Variants in VARS1 observed in about 807,000 individuals in gnomAD.
VARS1 encodes the protein valyl-tRNA synthetase 1, also known as valine--tRNA ligase.
A neutral mutation model predicts 161.0 loss-of-function variants in VARS1; 92 were observed. The observed-to-expected ratio is 0.57, with a 90% CI of 0.48 to 0.68. The LOEUF (loss-of-function observed/expected upper bound fraction) is 0.68. Ranked by LOEUF, VARS1 falls within the 30% of genes least tolerant of loss-of-function variation. The pLI, the probability that VARS1 is intolerant of heterozygous loss-of-function variation, is 0.00. For missense variants in VARS1, 1,338 were observed against 1,695.9 expected (o/e 0.79, Z 3.71); for synonymous variants, 595 against 682.5 (o/e 0.87, Z 2.00).
At position 31,785,145 on chromosome 6, in the gene VARS1, G is replaced by A; in HGVS notation, c.1347+101C>T. The A allele has an allele frequency of 7.1e-7, 1 of 1,405,804 alleles. No homozygotes were observed. 87.1% of individuals were successfully genotyped at this position (1,405,804 alleles called of 1,614,324 possible). A position where few individuals can be genotyped will look rare whatever the true frequency, so the allele number is the denominator to read the frequency against. On this transcript the variant is annotated intron_variant, in intron 10 of 29. Transcript: ENST00000375663. The surrounding 1 kb of genome is among the most constrained non-coding windows in gnomAD (Gnocchi z 6.1). Reference sequence around the variant, plus strand: ...CCTCCATGGTGTTTTACATGGGCCAGCTCCTGAGAGAGGGCCACAACACCT... The same window carrying A: ...CCTCCATGGTGTTTTACATGGGCCAACTCCTGAGAGAGGGCCACAACACCT...
chr6:31,781,861 A>G lies in VARS1; in HGVS notation c.2333T>C (p.Ile778Thr). 1 of 1,612,920 alleles carries G rather than the reference A, an allele frequency of 6.2e-7. No homozygotes were observed. Among genetic ancestry groups the G allele is most frequent in the Non-Finnish European group, 8.5e-7 (1 of 1,179,994 alleles). The change falls in exon 19 of 30, where the codon ATC (isoleucine) becomes ACC (threonine). Residue 778 changes from isoleucine to threonine, a missense_variant. Physicochemically the swap from Ile to Thr is moderately conservative, Grantham distance 89. Around this residue, in one of 3 missense-constraint regions of VARS1, gnomAD observed 902 missense variants for 1,090.3 expected, o/e 0.83. Transcript: ENST00000375663. The surrounding 1 kb of genome is among the most constrained non-coding windows in gnomAD (Gnocchi z 6.8). ...CCCCGCCTTGCCTTGCTGGAGACTGATCTTGTCAGGGGACACTCCGAACTC... is the reference window on the plus strand; with the variant it reads ...CCCCGCCTTGCCTTGCTGGAGACTGGTCTTGTCAGGGGACACTCCGAACTC... ...AKEFGVSPDK[I>T]SLQQDEDVLD...
rs1360830860 is a variant in VARS1 at position 31,791,152 on chromosome 6, C to A, written c.1100+458G>T. ...GGCAACAGAACAAGACTCTGTCCCC[C>A]CAAAAAAAAATATATATATTCATAT... On this transcript the variant is annotated intron_variant, in intron 8 of 29. Transcript: ENST00000375663. The surrounding 1 kb of genome is among the most constrained non-coding windows in gnomAD (Gnocchi z 5.0). 6.6e-6 allele frequency among the ~76,000 whole-genome samples: 1 copy of A among 151,056 alleles called. No homozygotes were observed. Among genetic ancestry groups the A allele is most frequent in the African/African-American group, 2.4e-5 (1 of 41,148 alleles).
Position 31,794,711 on chromosome 6 carries a change from G to C in VARS1, c.387+120C>G, listed in dbSNP as rs2151437172. On this transcript the variant is annotated intron_variant, in intron 2 of 29. Transcript: ENST00000375663. ...GGGTTACCATACCAGTTGGCAATCT[G>C]GGATTTGATCACTCTTTTCCCACAT... 4 of 1,364,630 alleles carry C rather than the reference G, an allele frequency of 2.9e-6. No homozygotes were observed. In the East Asian group the frequency reaches 9.7e-5, roughly 33 times the overall value. 84.5% of individuals were successfully genotyped at this position (1,364,630 alleles called of 1,614,324 possible). A position where few individuals can be genotyped will look rare whatever the true frequency, so the allele number is the denominator to read the frequency against.
Position 31,791,915 on chromosome 6 carries a change from A to C in VARS1, c.928T>G (p.Tyr310Asp). The C allele has an allele frequency of 6.2e-7, 1 of 1,606,748 alleles. No individual in the cohort carries two copies. The highest frequency in any genetic ancestry group is 2.2e-5 in the East Asian group (1 of 44,814). The change falls in exon 7 of 30, where the codon TAC becomes GAC. Residue 310 changes from tyrosine (Y) to aspartate (D), a missense_variant. Around this residue, in one of 3 missense-constraint regions of VARS1, gnomAD observed 902 missense variants for 1,090.3 expected, o/e 0.83. Transcript: ENST00000375663. The surrounding 1 kb of genome is among the most constrained non-coding windows in gnomAD (Gnocchi z 5.0). ...YSPRYVEAAWYPWWEQQGFFK... is the reference protein window; with the variant it reads ...YSPRYVEAAWDPWWEQQGFFK... ...AAGCCCTGCTGCTCCCACCAAGGGT[A>C]CCAGGCAGCCTCCACATACCGAGGG...
chr6:31,777,907 C>T lies in VARS1; in HGVS notation c.3727-245G>A. The T allele has an allele frequency of 1.7e-6, 1 of 591,236 alleles. No homozygotes were observed. The highest frequency in any genetic ancestry group is 3.0e-6 in the Non-Finnish European group (1 of 332,008). The allele number at this position is 591,236 out of a possible 1,614,324, so 36.6% of individuals were successfully genotyped here. On this transcript the variant is annotated intron_variant, in intron 29 of 29. Transcript: ENST00000375663. The surrounding 1 kb of genome is among the most constrained non-coding windows in gnomAD (Gnocchi z 5.8). ...CCCCAAGAACAAAGGAACCTCAGAG[C>T]CTACGTGTTCCCCATTCAGTGTCCC...
Position 31,782,370 on chromosome 6 carries a change from C to T in VARS1, c.2065G>A (p.Ala689Thr), listed in dbSNP as rs747572582. ...YVRCGEMAQA[A>T]SAAVTRGDLR... is the part of the protein sequence containing the mutation. Reference sequence around the variant, plus strand: ...TCACCCCGAGTCACAGCGGCGCTGGCAGCCTGGGCCATCTCCCCGCAGCGA... The same window carrying T: ...TCACCCCGAGTCACAGCGGCGCTGGTAGCCTGGGCCATCTCCCCGCAGCGA... The change falls in exon 17 of 30, where the codon GCC (alanine) becomes ACC (threonine). Residue 689 changes from alanine (A) to threonine (T), a missense_variant. Ala to Thr is a moderately conservative substitution (Grantham distance 58). Coordinates refer to ENST00000375663, the MANE Select transcript of VARS1 (RefSeq NM_006295.3). This position sits in a 1 kb window ranked among gnomAD's most constrained non-coding sequence, Gnocchi z 8.3. 1.2e-6 allele frequency: 2 copies of T among 1,612,624 alleles called. No homozygotes were observed. Among genetic ancestry groups the T allele is most frequent in the South Asian group, 2.2e-5 (2 of 91,020 alleles).
Position 31,779,860 on chromosome 6 carries a change from G to A in VARS1, c.3082-46C>T. 1.2e-6 allele frequency: 2 copies of A among 1,607,868 alleles called. No individual in the cohort carries two copies. The highest frequency in any genetic ancestry group is 1.7e-6 in the Non-Finnish European group (2 of 1,176,616). ...GGCTCACGGCTGGAGGTCTAGCCTT[G>A]AGCCCTCGCTGTGCCTGTGAGGACT... On this transcript the variant is annotated intron_variant, in intron 26 of 29. Transcript: ENST00000375663. This position sits in a 1 kb window ranked among gnomAD's most constrained non-coding sequence, Gnocchi z 9.1.
chr6:31,782,361 C>T lies in VARS1; in HGVS notation c.2074G>A (p.Ala692Thr), dbSNP rs747824231. The T allele has an allele frequency of 3.7e-6, 6 of 1,612,526 alleles. No homozygotes were observed. Among genetic ancestry groups the T allele is most frequent in the East Asian group, 2.2e-5 (1 of 44,878 alleles). ...CGEMAQAASA[A>T]VTRGDLRILP... is the part of the protein sequence containing the mutation. ...ATGCGGAGGTCACCCCGAGTCACAG[C>T]GGCGCTGGCAGCCTGGGCCATCTCC... The change falls in exon 17 of 30, where the codon GCT (alanine) becomes ACT (threonine). Residue 692 changes from alanine (A) to threonine (T), a missense_variant. By Grantham distance (58) the Ala-to-Thr change is moderately conservative (BLOSUM62 0). Coordinates refer to ENST00000375663, the MANE Select transcript of VARS1 (RefSeq NM_006295.3). This position sits in a 1 kb window ranked among gnomAD's most constrained non-coding sequence, Gnocchi z 8.3.
chr6:31,780,833 G>T lies in VARS1; in HGVS notation c.2718+37C>A, dbSNP rs372278973. Reference sequence around the variant, plus strand: ...AGCGTCCTCAGCCAGCCCCATCCACGCTGTGCTCCTGCTTAGCCCAGCCCA... The same window carrying T: ...AGCGTCCTCAGCCAGCCCCATCCACTCTGTGCTCCTGCTTAGCCCAGCCCA... On this transcript the variant is annotated intron_variant, in intron 23 of 29. Transcript: ENST00000375663. The surrounding 1 kb of genome is among the most constrained non-coding windows in gnomAD (Gnocchi z 5.1). 9.0e-5 allele frequency: 146 copies of T among 1,614,076 alleles called. No individual in the cohort carries two copies. Among genetic ancestry groups the T allele is most frequent in the Middle Eastern group, 8.2e-4 (5 of 6,084 alleles).
At position 31,793,961 on chromosome 6, in the gene VARS1, G is replaced by A. The variant is rs536622880; in HGVS notation, c.388-841C>T. Among the ~76,000 whole-genome samples the A allele has an allele frequency of 1.3e-4, 19 of 151,556 alleles. No individual in the cohort carries two copies. The South Asian group carries it at 2.3e-3, about 18-fold the overall frequency. On this transcript the variant is annotated intron_variant, in intron 2 of 29. Transcript: ENST00000375663. ...CTACTAAAAATACAAAAAATTAGCC[G>A]GACAAGGTGGTGGGCGCCTGTAATC...
chr6:31,792,125 C>A, intron 6 of VARS1, 92 bp downstream of exon 6: 1 of 1,535,074 alleles, frequency 6.5e-7, no homozygotes, highest in Non-Finnish European at 8.9e-7. Context: ...CAATTCCTCA[C>A]CAAACAAAGT....
chr6:31,790,858 T>A (rs1813824799), intron 8 of VARS1, among the ~76,000 whole-genome samples: 1 of 152,128 alleles, frequency 6.6e-6, no homozygotes, highest in Non-Finnish European at 1.5e-5. Context: ...TGGGTACGTG[T>A]ATATGTAAGT....
rs756292768 is a variant in VARS1 at position 31,792,754 on chromosome 6, C to T, written c.661+3G>A. The T allele has an allele frequency of 1.2e-5, 19 of 1,614,048 alleles. No individual in the cohort carries two copies. The Admixed American group carries it at 2.7e-4, about 23-fold the overall frequency. On this transcript the variant is annotated splice_donor_region_variant and intron_variant, in intron 4 of 29. Transcript: ENST00000375663. ...TATCCTCCAACTCCTCGCCCTTCCT[C>T]ACCTGGCTGATGAGAGAGAGGCCTG...
rs1280253893 is a variant in VARS1 at position 31,784,488 on chromosome 6, C to T, written c.1482G>A (p.Glu494=). Reference sequence around the variant, plus strand: ...CGGAGAGCAGGGTGCGACCTGTCAGCTCCTTCTTATCCACCTGTAAAATGG... The same window carrying T: ...CGGAGAGCAGGGTGCGACCTGTCAGTTCCTTCTTATCCACCTGTAAAATGG... The part of the protein sequence containing the change: ...AISDIEVDKK[E]LTGRTLLSVP... Residue 494 remains glutamate, a synonymous_variant, in exon 12 of 30, where the codon GAG becomes GAA. Transcript: ENST00000375663. The surrounding 1 kb of genome is among the most constrained non-coding windows in gnomAD (Gnocchi z 6.1). The T allele has an allele frequency of 6.2e-7, 1 of 1,614,096 alleles. No homozygotes were observed. Among genetic ancestry groups the T allele is most frequent in the African/African-American group, 1.3e-5 (1 of 75,048 alleles).
intron 4 of VARS1, 41 bp downstream of exon 4, chr6:31,792,716 C>G (rs539538719): frequency 2.5e-6 from 4 of 1,610,782 alleles, no homozygotes; most frequent in Non-Finnish European, 3.4e-6. Flanking sequence ...ATGGAAGGCC[C>G]CAGGGAAGCC....
chr6:31,781,866 G>A lies in VARS1; in HGVS notation c.2328C>T (p.Asp776=). ...CCTTGCCTTGCTGGAGACTGATCTT[G>A]TCAGGGGACACTCCGAACTCCTTGG... The part of the protein sequence containing the change: ...KAAKEFGVSP[D]KISLQQDEDV... The change falls in exon 19 of 30, where the codon GAC becomes GAT. Residue 776 remains aspartate, a synonymous_variant. Coordinates refer to ENST00000375663, the MANE Select transcript of VARS1 (RefSeq NM_006295.3). The surrounding 1 kb of genome is among the most constrained non-coding windows in gnomAD (Gnocchi z 6.8). 4 of 1,613,010 alleles carry A rather than the reference G, an allele frequency of 2.5e-6. No homozygotes were observed. Among genetic ancestry groups the A allele is most frequent in the Non-Finnish European group, 3.4e-6 (4 of 1,180,030 alleles).
At chr6:31,794,789 T>C (rs1562317094) in intron 2 of VARS1, 42 bp downstream of exon 2, 2 of 1,510,244 alleles carry the variant, frequency 1.3e-6, no homozygotes, top group African/African-American at 1.4e-5. Context: ...GCTTCCCTCC[T>C]CTGAATTTCT....
Position 31,780,376 on chromosome 6 carries a change from G to T in VARS1, c.2925+65C>A. 6.4e-7 allele frequency: 1 copy of T among 1,570,458 alleles called. No homozygotes were observed. Among genetic ancestry groups the T allele is most frequent in the East Asian group, 2.2e-5 (1 of 44,462 alleles). On this transcript the variant is annotated intron_variant, in intron 25 of 29. Coordinates refer to ENST00000375663, the MANE Select transcript of VARS1 (RefSeq NM_006295.3). The surrounding 1 kb of genome is among the most constrained non-coding windows in gnomAD (Gnocchi z 5.1). ...TATCTGTCCCCCCAGCTACATGGAG[G>T]CTGCTCCGGACAGGGGTACAGCCTG...
chr6:31,793,857 C>T (rs532984218), intron 2 of VARS1, among the ~76,000 whole-genome samples: 2 of 152,010 alleles, frequency 1.3e-5, no homozygotes, highest in Non-Finnish European at 2.9e-5. Flanking sequence ...AATCTCAGCA[C>T]TTTGGGAGGC....
Sources: allele counts gnomAD v4.1 joint callset (sites outside exome capture counted in the v4.1 genomes callset), GRCh38; gene constraint gnomAD v4.1.1; regional missense constraint gnomAD v4.1.1; non-coding constraint Gnocchi (gnomAD v3.1); transcripts MANE v1.5; gene names NCBI Gene and HGNC (gene_info 2026-07-23, HGNC 2026-07-21).